STAU2: variants seen among roughly 807,000 people sequenced by gnomAD.
The protein encoded by STAU2 is staufen double-stranded RNA binding protein 2.
A neutral mutation model predicts 65.9 loss-of-function variants in STAU2; 20 were observed. The ratio of observed to expected loss-of-function variants is 0.30; its 90% confidence interval spans 0.21 to 0.44. The LOEUF is 0.44. STAU2 is among the 20% of genes least tolerant of loss of function. STAU2 has a pLI of 1.00. For synonymous variants in STAU2, 232 were observed against 233.9 expected, an observed-to-expected ratio of 0.99 and a Z score of 0.07; for missense variants, 558 against 683.9, an observed-to-expected ratio of 0.82 and a Z score of 2.05.
intron 6 of STAU2, among the ~76,000 whole-genome samples, chr8:73,668,568 G>A (rs1817408583): frequency 6.6e-6 from 1 of 152,108 alleles, no homozygotes; most frequent in Non-Finnish European, 1.5e-5. Flanking sequence ...TAAGAAAGAT[G>A]GGAGAACAAA....
intron 3 of STAU2, among the ~76,000 whole-genome samples, chr8:73,715,017 G>A (rs956430444): frequency 6.7e-6 from 1 of 150,082 alleles, no homozygotes; most frequent in African/African-American, 2.5e-5. Flanking sequence ...GGAGGTGGTG[G>A]TTGCAAGTGG....
At chr8:73,713,532 G>C (rs1821040016) in intron 3 of STAU2, among the ~76,000 whole-genome samples, 1 of 152,138 alleles carries the variant, frequency 6.6e-6, no homozygotes, top group South Asian at 2.1e-4. Flanking sequence ...CAAGTTTTAA[G>C]AGGTGGTGAT....
rs556704089 is a variant in STAU2, at chr8:73,649,575, G to A, written c.410+23532C>T. Among the ~76,000 whole-genome samples, 297 of 151,940 alleles carry A rather than the reference G, an allele frequency of 2.0e-3. 1 individual carries two copies. Among genetic ancestry groups the A allele is most frequent in the Non-Finnish European group, 2.9e-3 (196 of 67,972 alleles). On this transcript the variant is annotated intron_variant, in intron 6 of 14. Coordinates refer to ENST00000524300, the MANE Select transcript of STAU2 (RefSeq NM_001164380.2). ...ATTTATTCTACTAATTCTTCTCCTA[G>A]TTCTAAACTCCTAAAAGGAACTGTC...
chr8:73,644,319 C>T (rs1342813397), intron 6 of STAU2, among the ~76,000 whole-genome samples: 1 of 151,982 alleles, frequency 6.6e-6, no homozygotes, highest in Non-Finnish European at 1.5e-5. Flanking sequence ...CAGGTGTGCA[C>T]CTGTAGTCCT....
intron 13 of STAU2, among the ~76,000 whole-genome samples, chr8:73,468,053 A>G (rs1489667897): frequency 2.6e-5 from 4 of 152,242 alleles, no homozygotes; most frequent in Non-Finnish European, 4.4e-5. Flanking sequence ...CTGACTTCAA[A>G]CTATACTACA....
At chr8:73,678,750 T>A (rs747333178) in intron 5 of STAU2, among the ~76,000 whole-genome samples, 1 of 152,220 alleles carries the variant, frequency 6.6e-6, no homozygotes, top group Admixed American at 6.5e-5. Flanking sequence ...ATGGACAATC[T>A]TTTAGGAACT....
chr8:73,654,811 T>C (rs28572250), intron 6 of STAU2, among the ~76,000 whole-genome samples: 40,970 of 147,338 alleles, frequency 0.28, 6,082 homozygotes, highest in East Asian at 0.46. Context: ...CTCAGCCTCC[T>C]GTGTAGCTGG....
At chr8:73,482,958 A>C (rs898891155) in intron 13 of STAU2, among the ~76,000 whole-genome samples, 3 of 152,152 alleles carry the variant, frequency 2.0e-5, no homozygotes, top group African/African-American at 7.2e-5. Context: ...CAGAGCTCCC[A>C]TATCTCTTAT....
intron 4 of STAU2, among the ~76,000 whole-genome samples, chr8:73,692,210 T>C (rs555041471): frequency 3.1e-4 from 47 of 151,932 alleles, no homozygotes; most frequent in South Asian, 1.0e-3. Context: ...TTTTTTTTTT[T>C]TCCCCGGAGA....
At chr8:73,694,254 CCTT>C (rs1296705585) in intron 4 of STAU2, among the ~76,000 whole-genome samples, 5 of 152,186 alleles carry the variant, frequency 3.3e-5, no homozygotes, top group African/African-American at 1.2e-4. Context: ...ATTCAATACT[CCTT>C]ATCAAAAACT....
intron 13 of STAU2, among the ~76,000 whole-genome samples, chr8:73,498,262 G>A: frequency 6.6e-6 from 1 of 151,726 alleles, no homozygotes; most frequent in East Asian, 1.9e-4. Context: ...AGTAATAAAG[G>A]CAAAGGCAAA....
chr8:73,560,970 A>G (rs1267921813), intron 12 of STAU2, among the ~76,000 whole-genome samples: 1 of 152,152 alleles, frequency 6.6e-6, no homozygotes, highest in Non-Finnish European at 1.5e-5. Context: ...AAACCTGGGT[A>G]TGGTGAATAA....
intron 13 of STAU2, among the ~76,000 whole-genome samples, chr8:73,435,956 C>T (rs955189977): frequency 6.6e-6 from 1 of 151,862 alleles, no homozygotes; most frequent in Admixed American, 6.5e-5. Context: ...CACCCCTCAC[C>T]CCTCACCACT....
chr8:73,498,439 C>A (rs2128918829), intron 13 of STAU2, among the ~76,000 whole-genome samples: 1 of 151,810 alleles, frequency 6.6e-6, no homozygotes, highest in East Asian at 1.9e-4. Context: ...ATACACTATA[C>A]ATTTAGTAGG....
intron 3 of STAU2, among the ~76,000 whole-genome samples, chr8:73,734,177 T>G (rs184165553): frequency 3.8e-4 from 57 of 151,620 alleles, no homozygotes; most frequent in African/African-American, 1.4e-3. Flanking sequence ...CCAGTGATTA[T>G]CTCTGTAATA....
At chr8:73,601,254 C>T (rs1811613583) in intron 10 of STAU2, among the ~76,000 whole-genome samples, 1 of 152,150 alleles carries the variant, frequency 6.6e-6, no homozygotes, top group Non-Finnish European at 1.5e-5. Flanking sequence ...TATTTTTTAA[C>T]AACCTGGTGA....
intron 13 of STAU2, among the ~76,000 whole-genome samples, chr8:73,542,263 A>T (rs1160943480): frequency 6.6e-6 from 1 of 152,176 alleles, no homozygotes; most frequent in Non-Finnish European, 1.5e-5. Context: ...GTCCTGTAAC[A>T]ACTGGCTATC....
intron 3 of STAU2, among the ~76,000 whole-genome samples, chr8:73,719,987 A>C (rs1395611473): frequency 6.6e-6 from 1 of 152,218 alleles, no homozygotes; most frequent in Non-Finnish European, 1.5e-5. Flanking sequence ...AGCATATAAA[A>C]AGCTACTCAG....
At chr8:73,682,655 C>T (rs1586261403) in intron 5 of STAU2, among the ~76,000 whole-genome samples, 2 of 151,842 alleles carry the variant, frequency 1.3e-5, no homozygotes, top group South Asian at 4.1e-4. Context: ...AAAAGAAATA[C>T]AAAAGATAAA....
Sources: allele counts gnomAD v4.1 joint callset (sites outside exome capture counted in the v4.1 genomes callset), GRCh38; gene constraint gnomAD v4.1.1; transcripts MANE v1.5; gene names NCBI Gene and HGNC (gene_info 2026-07-23, HGNC 2026-07-21).